LRRTM4: variants seen among roughly 807,000 people sequenced by gnomAD.
LRRTM4 encodes the protein leucine-rich repeat transmembrane neuronal protein 4.
LRRTM4 carries 25 observed loss-of-function variants against 47.6 expected under a neutral mutation model. The ratio of observed to expected loss-of-function variants is 0.53; its 90% CI spans 0.38 to 0.73. The LOEUF (loss-of-function observed/expected upper bound fraction) is 0.73. LRRTM4 is among the 30% of genes least tolerant of loss of function. The pLI is 0.00. For synonymous variants in LRRTM4, 311 were observed against 269.5 expected (o/e 1.15, Z -1.51); for missense variants, 638 against 713.4 (o/e 0.89, Z 1.20).
chr2:77,147,892 C>T (rs961555546), intron 3 of LRRTM4, among the ~76,000 whole-genome samples: 2 of 152,000 alleles, frequency 1.3e-5, no homozygotes, highest in African/African-American at 2.4e-5. Flanking sequence ...CTTTTTGTGT[C>T]TTATTTTTTA....
At chr2:77,474,059 T>A (rs1221811256) in intron 3 of LRRTM4, among the ~76,000 whole-genome samples, 2 of 152,142 alleles carry the variant, frequency 1.3e-5, no homozygotes, top group African/African-American at 4.8e-5. Flanking sequence ...AAATATGAGT[T>A]TTTGTTATTT....
At chr2:76,926,488 G>T (rs975751961) in intron 3 of LRRTM4, among the ~76,000 whole-genome samples, 4 of 152,230 alleles carry the variant, frequency 2.6e-5, no homozygotes, top group Middle Eastern at 3.4e-3. Flanking sequence ...AAATGCTATG[G>T]ATTGAATGTG....
intron 3 of LRRTM4, among the ~76,000 whole-genome samples, chr2:77,022,064 T>A (rs904181074): frequency 2.0e-4 from 31 of 151,236 alleles, no homozygotes; most frequent in African/African-American, 6.1e-4. Context: ...GAAAAAGAGG[T>A]TTAATTGGAC....
At chr2:77,420,220 T>C (rs1674821108) in intron 3 of LRRTM4, among the ~76,000 whole-genome samples, 1 of 152,202 alleles carries the variant, frequency 6.6e-6, no homozygotes, top group Non-Finnish European at 1.5e-5. Flanking sequence ...GACCTCACCA[T>C]AGGGCAGTTT....
chr2:76,802,887 T>TG (rs2103780547), intron 3 of LRRTM4, among the ~76,000 whole-genome samples: 1 of 152,262 alleles, frequency 6.6e-6, no homozygotes, highest in South Asian at 2.1e-4. Flanking sequence ...TTGGGGCTAT[T>TG]GGATATTCAT....
At chr2:76,820,383 C>G (rs1671019443) in intron 3 of LRRTM4, among the ~76,000 whole-genome samples, 1 of 151,708 alleles carries the variant, frequency 6.6e-6, no homozygotes, top group Admixed American at 6.6e-5. Flanking sequence ...AGATTAGGTC[C>G]TGGACTAAAG....
intron 3 of LRRTM4, among the ~76,000 whole-genome samples, chr2:76,808,288 A>C (rs1035716059): frequency 6.6e-6 from 1 of 151,536 alleles, no homozygotes; most frequent in African/African-American, 2.4e-5. Context: ...AAAGTGCTGG[A>C]GTGAGCCACC....
chr2:77,521,837 CAAAAAAA>C lies in LRRTM4; in HGVS notation c.-147-26_-147-20del. The C allele has an allele frequency of 3.2e-5, 5 of 155,172 alleles. No homozygotes were observed. The highest frequency in any genetic ancestry group is 5.5e-5 in the Non-Finnish European group (5 of 90,512). 9.6% of individuals were successfully genotyped at this position (155,172 alleles called of 1,614,324 possible). On this transcript the variant is annotated intron_variant, in intron 1 of 3. Coordinates refer to ENST00000409884, the MANE Select transcript of LRRTM4 (RefSeq NM_001134745.3). ...ATACAAACTTCCCCGAGAGGACAGG[CAAAAAAA>C]AAAAAAAAAAATACATATATATATA...
At chr2:76,801,023 G>A (rs987845911) in intron 3 of LRRTM4, among the ~76,000 whole-genome samples, 4 of 146,830 alleles carry the variant, frequency 2.7e-5, no homozygotes, top group African/African-American at 1.0e-4. Flanking sequence ...ACAGGTGCTG[G>A]AGCGGATGTG....
chr2:77,096,441 A>G (rs1193442638), intron 3 of LRRTM4, among the ~76,000 whole-genome samples: 1 of 151,626 alleles, frequency 6.6e-6, no homozygotes, highest in Non-Finnish European at 1.5e-5. Context: ...GAAGTTTGAT[A>G]TGTAAGAAAA....
chr2:76,879,954 C>T (rs879348033), intron 3 of LRRTM4, among the ~76,000 whole-genome samples: 1 of 152,132 alleles, frequency 6.6e-6, no homozygotes, highest in Non-Finnish European at 1.5e-5. Context: ...AAAAGTGGAA[C>T]GTGAAAATGT....
intron 3 of LRRTM4, among the ~76,000 whole-genome samples, chr2:77,416,375 A>G (rs1173543874): frequency 6.6e-6 from 1 of 152,098 alleles, no homozygotes; most frequent in Non-Finnish European, 1.5e-5. Context: ...GGCTACTTGT[A>G]GATTGTTCAG....
At chr2:77,031,112 C>G (rs567365425) in intron 3 of LRRTM4, among the ~76,000 whole-genome samples, 2 of 152,220 alleles carry the variant, frequency 1.3e-5, no homozygotes, top group East Asian at 3.9e-4. Context: ...GTAGAACATA[C>G]ATTTACAGAT....
chr2:77,213,679 C>T (rs1321344273), intron 3 of LRRTM4, among the ~76,000 whole-genome samples: 3 of 152,156 alleles, frequency 2.0e-5, no homozygotes, highest in Non-Finnish European at 2.9e-5. Context: ...AGGTCTATAA[C>T]ATCCAACTTT....
At chr2:77,371,160 G>T (rs1465164051) in intron 3 of LRRTM4, among the ~76,000 whole-genome samples, 1 of 151,674 alleles carries the variant, frequency 6.6e-6, no homozygotes, top group African/African-American at 2.4e-5. Context: ...AGACAGACAG[G>T]TGACTTTCAG....
chr2:77,503,529 C>G (rs950381418), intron 3 of LRRTM4, among the ~76,000 whole-genome samples: 12 of 151,702 alleles, frequency 7.9e-5, no homozygotes, highest in African/African-American at 2.7e-4. Flanking sequence ...ATGTGGGGAA[C>G]TCAGAGCAGA....
At chr2:77,300,042 G>A (rs915177794) in intron 3 of LRRTM4, among the ~76,000 whole-genome samples, 2 of 151,972 alleles carry the variant, frequency 1.3e-5, no homozygotes, top group South Asian at 2.1e-4. Flanking sequence ...AGTAGACACG[G>A]GGTTTCACCA....
At position 76,770,814 on chromosome 2, in the gene LRRTM4, T is replaced by G. The variant is rs553911098; in HGVS notation, c.1552-21898A>C. On this transcript the variant is annotated intron_variant, in intron 3 of 3. Transcript: ENST00000409884. ...AACATAAAATATGTCTCCATTTTCA[T>G]GCATTTAAATTTCTAATTGTTTCTC... Among the ~76,000 whole-genome samples the G allele has an allele frequency of 2.6e-5, 4 of 152,320 alleles. No homozygotes were observed. The South Asian group carries it at 8.3e-4, about 32-fold the overall frequency.
chr2:76,872,534 A>T (rs976323265), intron 3 of LRRTM4, among the ~76,000 whole-genome samples: 1 of 151,820 alleles, frequency 6.6e-6, no homozygotes, highest in African/African-American at 2.4e-5. Flanking sequence ...TGCAGGTCAG[A>T]GATGGCTTGC....
Sources: allele counts gnomAD v4.1 joint callset (sites outside exome capture counted in the v4.1 genomes callset), GRCh38; gene constraint gnomAD v4.1.1; transcripts MANE v1.5; gene names NCBI Gene and HGNC (gene_info 2026-07-23, HGNC 2026-07-21).